The following NPHS1 variants were observed in gnomAD, a reference collection of about 807,000 sequenced individuals.
NPHS1 encodes NPHS1 adhesion molecule, nephrin.
A neutral mutation model predicts 139.7 loss-of-function variants in NPHS1; 107 were observed. The ratio of observed to expected loss-of-function variants is 0.77; its 90% CI spans 0.66 to 0.90. The LOEUF (loss-of-function observed/expected upper bound fraction) is 0.90, where lower values mean the gene tolerates loss of function less well. NPHS1 is among the 40% of genes least tolerant of loss of function. The probability of loss-of-function intolerance (pLI) is 0.00; values close to 1 mark genes in which losing one functional copy is unlikely to be tolerated. For synonymous variants in NPHS1, 707 were observed against 706.6 expected (o/e 1.00, Z -0.01); for missense variants, 1,580 against 1,654.2 (o/e 0.96, Z 0.78).
chr19:35,830,778 C>A, intron 28 of NPHS1, 66 bp downstream of exon 28: 1 of 1,002,606 alleles, frequency 1.0e-6, no homozygotes, highest in East Asian at 2.4e-5. Context: ...CTAACTAATA[C>A]AAGCAATAGG....
Position 35,838,279 on chromosome 19 carries a change from G to A in NPHS1, c.3109+958C>T, listed in dbSNP as rs182912976. 2.1e-3 allele frequency among the ~76,000 whole-genome samples: 324 copies of A among 152,022 alleles called. 2 individuals are homozygous for A. The highest frequency in any genetic ancestry group is 7.0e-3 in the African/African-American group (289 of 41,464). Reference sequence around the variant, plus strand: ...ACAAACAAACAAAAAGTGGCCAAGCGTGGTGGCTCACACCTGTAATCTCAG... The same window carrying A: ...ACAAACAAACAAAAAGTGGCCAAGCATGGTGGCTCACACCTGTAATCTCAG... On this transcript the variant is annotated intron_variant, in intron 22 of 28. Transcript: ENST00000378910.
intron 4 of NPHS1, 47 bp downstream of exon 4, chr19:35,850,914 C>A: frequency 1.9e-6 from 3 of 1,611,164 alleles, no homozygotes; most frequent in Non-Finnish European, 2.5e-6. Context: ...CCTTCCCACT[C>A]CAGAGGCTTC....
rs2146823127 is a variant in NPHS1, at chr19:35,845,352, A to G, written c.1930+16T>C. ...CAAGAAGGCATCGAGAGGGGCTTTC[A>G]GGCCGGGGCACATACACAGTACGTT... On this transcript the variant is annotated intron_variant, in intron 14 of 28. Coordinates refer to ENST00000378910, the MANE Select transcript of NPHS1 (RefSeq NM_004646.4). The surrounding 1 kb of genome is among the most constrained non-coding windows in gnomAD (Gnocchi z 5.5). 1.2e-6 allele frequency: 2 copies of G among 1,614,162 alleles called. No individual in the cohort carries two copies. Among genetic ancestry groups the G allele is most frequent in the Middle Eastern group, 1.7e-4 (1 of 6,022 alleles).
chr19:35,847,062 T>C (rs1973153079), intron 11 of NPHS1, among the ~76,000 whole-genome samples: 1 of 152,134 alleles, frequency 6.6e-6, no homozygotes, highest in Non-Finnish European at 1.5e-5. Context: ...TTCTTTTTTT[T>C]TGAGACGGAG....
rs532043043 is a variant in NPHS1 at position 35,842,567 on chromosome 19, C to T, written c.2335-17G>A. 4.3e-4 allele frequency: 689 copies of T among 1,613,572 alleles called. 9 individuals carry two copies. The South Asian group carries it at 7.0e-3, about 16-fold the overall frequency. On this transcript the variant is annotated splice_polypyrimidine_tract_variant and intron_variant, in intron 17 of 28. Coordinates refer to ENST00000378910, the MANE Select transcript of NPHS1 (RefSeq NM_004646.4). ...ATCTTCTCCCTGGAGGCCCAAGAGTCCAGAATTGGCCTCCCAGTCTAGCCC... is the reference window on the plus strand; with the variant it reads ...ATCTTCTCCCTGGAGGCCCAAGAGTTCAGAATTGGCCTCCCAGTCTAGCCC...
In NPHS1 at chr19:35,830,841, C is replaced by T. The variant is rs1972867565; in HGVS notation, c.3594+3G>A. 1.3e-6 allele frequency: 2 copies of T among 1,564,244 alleles called. No individual in the cohort carries two copies. Among genetic ancestry groups the T allele is most frequent in the Non-Finnish European group, 8.8e-7 (1 of 1,134,352 alleles). On this transcript the variant is annotated splice_donor_region_variant and intron_variant, in intron 28 of 28. Transcript: ENST00000378910. The stretch of plus-strand genomic sequence containing the variant: ...GGATGGTTGCTGATGCAAAGCTTCT[C>T]ACCATCTGCACTTCATCGTAGAGGG...
intron 20 of NPHS1, among the ~76,000 whole-genome samples, chr19:35,841,129 A>C (rs1973049805): frequency 1.3e-5 from 2 of 151,118 alleles, no homozygotes; most frequent in Admixed American, 1.3e-4. Context: ...CTGTAATCCC[A>C]CCACTTTGGG....
At chr19:35,851,153 G>A in intron 3 of NPHS1, 64 bp from the exon 4 acceptor site, 1 of 1,613,488 alleles carries the variant, frequency 6.2e-7, no homozygotes, top group Non-Finnish European at 8.5e-7. Flanking sequence ...TTGGAGTTCG[G>A]TACCCAGAGT....
Position 35,831,303 on chromosome 19 carries a change from C to A in NPHS1, c.3380G>T (p.Ser1127Ile). The A allele has an allele frequency of 6.2e-7, 1 of 1,614,122 alleles. No individual in the cohort carries two copies. Among genetic ancestry groups the A allele is most frequent in the Non-Finnish European group, 8.5e-7 (1 of 1,180,020 alleles). Residue 1127 changes from serine (S) to isoleucine (I), a missense_variant, in exon 26 of 29, where the codon AGC becomes ATC. Coordinates refer to ENST00000378910, the MANE Select transcript of NPHS1 (RefSeq NM_004646.4). ...SQWTGERDTQSSTVSTTEAEP... is the reference protein window; with the variant it reads ...SQWTGERDTQISTVSTTEAEP... ...AGGGCCACCCCCACTTACCGTGGAG[C>A]TCTGAGTGTCCCGCTCTCCTGTCCA...
At position 35,851,962 on chromosome 19, in the gene NPHS1, C is replaced by T. The variant is rs1973278309; in HGVS notation, c.-125G>A. On this transcript the variant is annotated 5_prime_UTR_variant, in exon 1 of 29. Transcript: ENST00000378910. The stretch of plus-strand genomic sequence containing the variant: ...TTTTCTTTTTTATCTCTTTCCGTTA[C>T]TCTCCTCCCTTTCTCGTTTTCCTCT... 1 of 783,478 alleles carries T rather than the reference C, an allele frequency of 1.3e-6. No individual in the cohort carries two copies. The highest frequency in any genetic ancestry group is 2.2e-6 in the Non-Finnish European group (1 of 456,552). 48.5% of individuals were successfully genotyped at this position (783,478 alleles called of 1,614,324 possible).
At position 35,845,322 on chromosome 19, in the gene NPHS1, A is replaced by G; in HGVS notation, c.1930+46T>C. 1.9e-6 allele frequency: 3 copies of G among 1,585,052 alleles called. No individual in the cohort carries two copies. Among genetic ancestry groups the G allele is most frequent in the Non-Finnish European group, 1.7e-6 (2 of 1,153,540 alleles). On this transcript the variant is annotated intron_variant, in intron 14 of 28. Transcript: ENST00000378910. This position sits in a 1 kb window ranked among gnomAD's most constrained non-coding sequence, Gnocchi z 5.5. ...AAAGGTAAGACCCAAGGAGTAGTTT[A>G]GGGTCAAGAAGGCATCGAGAGGGGC...
intron 19 of NPHS1, 21 bp from the exon 20 acceptor site, chr19:35,841,887 C>A (rs1973061361): frequency 6.3e-7 from 1 of 1,594,050 alleles, no homozygotes; most frequent in African/African-American, 1.3e-5. Flanking sequence ...GGTAGGGCAC[C>A]ACTCACCCTT....
chr19:35,844,140 CTCAGAG>C lies in NPHS1; in HGVS notation c.2169_2174del (p.Asn723_Glu725delinsLys). The C allele has an allele frequency of 6.2e-7, 1 of 1,609,628 alleles. No homozygotes were observed. Among genetic ancestry groups the C allele is most frequent in the East Asian group, 2.2e-5 (1 of 44,886 alleles). On this transcript the variant is annotated inframe_deletion, in exon 16 of 29. Transcript: ENST00000378910. Reference sequence around the variant, plus strand: ...GCCGCAGCCGCGCTTCCGCGGTGCCCTCAGAGTTCTGGCAGTGCAGCTGATAGAGGC... The same window carrying C: ...GCCGCAGCCGCGCTTCCGCGGTGCCCTTCTGGCAGTGCAGCTGATAGAGGC...
At position 35,839,397 on chromosome 19, in the gene NPHS1, T is replaced by C; in HGVS notation, c.2949A>G (p.Pro983=). ...GTACGACATCCACATAGTGGAACCC[T>C]GGAGTCCCCAGGGCCTCATACCTGC... ...FCIRYEALGT[P]GFHYVDVVPP... The change falls in exon 22 of 29, where the codon CCA becomes CCG. Residue 983 remains proline, a synonymous_variant. Coordinates refer to ENST00000378910, the MANE Select transcript of NPHS1 (RefSeq NM_004646.4). 1.2e-6 allele frequency: 2 copies of C among 1,614,150 alleles called. No homozygotes were observed. The highest frequency in any genetic ancestry group is 1.7e-6 in the Non-Finnish European group (2 of 1,180,000).
chr19:35,844,018 G>A (rs1973098200), intron 16 of NPHS1, 85 bp downstream of exon 16: 1 of 1,552,812 alleles, frequency 6.4e-7, no homozygotes, highest in Non-Finnish European at 8.7e-7. Flanking sequence ...CTATCCCTGG[G>A]TGGGCGGAGC....
In NPHS1 at chr19:35,826,401, A is replaced by G. The variant is rs1972800886; in HGVS notation, c.*113T>C. 7.9e-7 allele frequency: 1 copy of G among 1,273,720 alleles called. No individual in the cohort carries two copies. Among genetic ancestry groups the G allele is most frequent in the Non-Finnish European group, 1.1e-6 (1 of 876,816 alleles). 78.9% of individuals were successfully genotyped at this position (1,273,720 alleles called of 1,614,324 possible). A position where few individuals can be genotyped will look rare whatever the true frequency, so the allele number is the denominator to read the frequency against. ...CCCTCCATGTCCTCTCCTGACACCAAGTCCCTTTGGGTTTTATGGAGCTCA... is the reference window on the plus strand; with the variant it reads ...CCCTCCATGTCCTCTCCTGACACCAGGTCCCTTTGGGTTTTATGGAGCTCA... On this transcript the variant is annotated 3_prime_UTR_variant, in exon 29 of 29. Coordinates refer to ENST00000378910, the MANE Select transcript of NPHS1 (RefSeq NM_004646.4).
chr19:35,826,229 G>T lies in NPHS1; in HGVS notation c.*285C>A. On this transcript the variant is annotated 3_prime_UTR_variant, in exon 29 of 29. Coordinates refer to ENST00000378910, the MANE Select transcript of NPHS1 (RefSeq NM_004646.4). The stretch of plus-strand genomic sequence containing the variant: ...CCCAAAGTGCTGGGATTATAGGCGT[G>T]AGTCACCGCACCCGGCAGCATTTCA... 1 of 389,222 alleles carries T rather than the reference G, an allele frequency of 2.6e-6. No individual in the cohort carries two copies. Among genetic ancestry groups the T allele is most frequent in the South Asian group, 2.3e-5 (1 of 43,756 alleles). 24.1% of individuals were successfully genotyped at this position (389,222 alleles called of 1,614,324 possible).
In NPHS1 at chr19:35,842,150, C is replaced by A. The variant is rs1431580668; in HGVS notation, c.2637G>T (p.Gly879=). The A allele has an allele frequency of 6.2e-7, 1 of 1,607,290 alleles. No individual in the cohort carries two copies. The highest frequency in any genetic ancestry group is 1.7e-4 in the Middle Eastern group (1 of 6,000). Residue 879 remains glycine (G), a synonymous_variant, in exon 19 of 29, where the codon GGG becomes GGT. Transcript: ENST00000378910. ...PNIVFTWTKN[G]VPLDLQDPRY... ...TGGGATCTTGGAGATCCAGAGGGAC[C>A]CCGTTTTTTGTCCAAGTGAAAACGA...
rs766193394 is a variant in NPHS1, at chr19:35,849,705, G to C, written c.609-52C>G. ...GTCAGAGTCATCATCTGAAATTTGG[G>C]GAGTCAGGGAGAAGAGGTGGGGATG... is the stretch of plus-strand genomic sequence containing the variant. On this transcript the variant is annotated intron_variant, in intron 5 of 28. Transcript: ENST00000378910. 2.9e-6 allele frequency: 4 copies of C among 1,382,346 alleles called. No individual in the cohort carries two copies. In the Admixed American group the frequency reaches 6.7e-5, roughly 23 times the overall value. The allele number at this position is 1,382,346 out of a possible 1,614,324, so 85.6% of individuals were successfully genotyped here. A position where few individuals can be genotyped will look rare whatever the true frequency, so the allele number is the denominator to read the frequency against.
Sources: allele counts gnomAD v4.1 joint callset (sites outside exome capture counted in the v4.1 genomes callset), GRCh38; gene constraint gnomAD v4.1.1; non-coding constraint Gnocchi (gnomAD v3.1); transcripts MANE v1.5; gene names NCBI Gene and HGNC (gene_info 2026-07-23, HGNC 2026-07-21).